The following MAP3K7 variants were observed in gnomAD, a reference collection of about 807,000 sequenced individuals.
MAP3K7 encodes mitogen-activated protein kinase kinase kinase 7, also known as TGF-beta activated kinase 1.
Under a neutral mutation model 84.8 loss-of-function variants are expected in MAP3K7, and 21 were observed. The observed-to-expected ratio is 0.25, with a 90% CI of 0.18 to 0.36. MAP3K7 has a LOEUF of 0.36. MAP3K7 is among the 10% of genes least tolerant of loss of function. The pLI is 1.00. For missense variants in MAP3K7, 503 were observed against 747.7 expected (o/e 0.67, Z 3.82); for synonymous variants, 241 against 247.7 (o/e 0.97, Z 0.25).
intron 5 of MAP3K7, among the ~76,000 whole-genome samples, chr6:90,558,596 A>C (rs1161102964): frequency 6.6e-6 from 1 of 152,154 alleles, no homozygotes; most frequent in African/African-American, 2.4e-5. Context: ...TACTAGCAAA[A>C]GGAGAATCTC....
chr6:90,537,917 A>G (rs1260131045), intron 12 of MAP3K7, among the ~76,000 whole-genome samples: 1 of 151,940 alleles, frequency 6.6e-6, no homozygotes, highest in Non-Finnish European at 1.5e-5. Context: ...ACACAGCAAC[A>G]TTTGTTAATC....
rs752944849 is a variant in MAP3K7, at chr6:90,523,666, C to T, written c.1462+12G>A. On this transcript the variant is annotated intron_variant, in intron 14 of 16. Coordinates refer to ENST00000369329, the MANE Select transcript of MAP3K7 (RefSeq NM_145331.3). ...ATTCAACTTCATAAGTATGAAGAAA[C>T]AGACTGGTCACCTGTGGAATCATCA... is the stretch of plus-strand genomic sequence containing the variant. 5 of 1,581,562 alleles carry T rather than the reference C, an allele frequency of 3.2e-6. No individual in the cohort carries two copies. The East Asian group carries it at 8.9e-5, about 28-fold the overall frequency.
At chr6:90,534,945 C>G (rs958085553) in intron 13 of MAP3K7, among the ~76,000 whole-genome samples, 3 of 152,050 alleles carry the variant, frequency 2.0e-5, no homozygotes, top group Non-Finnish European at 4.4e-5. Context: ...CTGATTAAAA[C>G]TTTTAAGTAT....
intron 1 of MAP3K7, among the ~76,000 whole-genome samples, chr6:90,578,393 C>T (rs923731453): frequency 3.9e-5 from 6 of 152,152 alleles, no homozygotes; most frequent in Admixed American, 2.0e-4. Context: ...CTGCCTCAGC[C>T]ACCCCAAAGT....
At chr6:90,550,208 T>C (rs1262852883) in intron 9 of MAP3K7, among the ~76,000 whole-genome samples, 3 of 152,168 alleles carry the variant, frequency 2.0e-5, no homozygotes, top group African/African-American at 4.8e-5. Context: ...AGAATGACAT[T>C]CACTGTAATA....
chr6:90,516,219 G>C lies in MAP3K7; in HGVS notation c.*282C>G. 2.2e-6 allele frequency: 1 copy of C among 452,958 alleles called. No homozygotes were observed. The highest frequency in any genetic ancestry group is 2.6e-5 in the South Asian group (1 of 38,874). 28.1% of individuals were successfully genotyped at this position (452,958 alleles called of 1,614,324 possible). On this transcript the variant is annotated 3_prime_UTR_variant, in exon 17 of 17. Coordinates refer to ENST00000369329, the MANE Select transcript of MAP3K7 (RefSeq NM_145331.3). ...TCTGTTAGGCTAGCCTTCACACAATGAGCATGCATATACAGCCACAGTTCA... is the reference window on the plus strand; with the variant it reads ...TCTGTTAGGCTAGCCTTCACACAATCAGCATGCATATACAGCCACAGTTCA...
rs1776027424 is a variant in MAP3K7 at position 90,547,170 on chromosome 6, C to T, written c.1210+88G>A. The T allele has an allele frequency of 5.5e-6, 8 of 1,450,240 alleles. No individual in the cohort carries two copies. In the East Asian group the frequency reaches 1.2e-4, roughly 22 times the overall value. The allele number at this position is 1,450,240 out of a possible 1,614,324, so 89.8% of individuals were successfully genotyped here. The stretch of plus-strand genomic sequence containing the variant: ...CCTATTTAAAAAAAAATATAAGACA[C>T]ACACAAAAAACCTTTGACAACTGAA... On this transcript the variant is annotated intron_variant, in intron 11 of 16. Coordinates refer to ENST00000369329, the MANE Select transcript of MAP3K7 (RefSeq NM_145331.3).
chr6:90,575,668 G>A (rs188131186), intron 1 of MAP3K7, among the ~76,000 whole-genome samples: 13 of 152,242 alleles, frequency 8.5e-5, no homozygotes, highest in African/African-American at 2.9e-4. Flanking sequence ...AGGTCTGTGG[G>A]ATGGTAGCTA....
At chr6:90,552,656 G>A (rs1304351493) in intron 7 of MAP3K7, among the ~76,000 whole-genome samples, 3 of 152,124 alleles carry the variant, frequency 2.0e-5, no homozygotes, top group Non-Finnish European at 2.9e-5. Context: ...TAAGAGTGGC[G>A]CTAAAATTAA....
At position 90,534,797 on chromosome 6, in the gene MAP3K7, T is replaced by C. The variant is rs148594387; in HGVS notation, c.1356+1540A>G. ...TGTCTTAGGACAAGCTTCTCATTCC[T>C]AGTCAAACAGTTGGCTAGAAGTTCT... On this transcript the variant is annotated intron_variant, in intron 13 of 16. Coordinates refer to ENST00000369329, the MANE Select transcript of MAP3K7 (RefSeq NM_145331.3). Among the ~76,000 whole-genome samples the C allele has an allele frequency of 7.4e-3, 1,127 of 152,282 alleles. 12 individuals carry two copies. The highest frequency in any genetic ancestry group is 0.024 in the Middle Eastern group (7 of 294).
At chr6:90,536,154 A>C (rs1775667721) in intron 13 of MAP3K7, among the ~76,000 whole-genome samples, 183 bp downstream of exon 13, 1 of 152,094 alleles carries the variant, frequency 6.6e-6, no homozygotes, top group Admixed American at 6.6e-5. Flanking sequence ...ATTATCTTTC[A>C]AGTTAAATTA....
chr6:90,520,091 C>T (rs1775098501), intron 14 of MAP3K7, among the ~76,000 whole-genome samples: 1 of 152,018 alleles, frequency 6.6e-6, no homozygotes, highest in African/African-American at 2.4e-5. Context: ...CTCTTCTCAA[C>T]ATTTATGGTT....
At chr6:90,555,981 A>C (rs911727652) in intron 6 of MAP3K7, among the ~76,000 whole-genome samples, 13 of 152,250 alleles carry the variant, frequency 8.5e-5, no homozygotes, top group African/African-American at 3.1e-4. Flanking sequence ...GGCCATTTTA[A>C]GTAGCAAAAT....
intron 3 of MAP3K7, among the ~76,000 whole-genome samples, chr6:90,568,231 A>T (rs929079894): frequency 1.3e-5 from 2 of 152,140 alleles, no homozygotes; most frequent in Non-Finnish European, 2.9e-5. Flanking sequence ...GATATCAAAA[A>T]CAAGTAAGTA....
At position 90,527,860 on chromosome 6, in the gene MAP3K7, T is replaced by G. The variant is rs958328446; in HGVS notation, c.1357-4077A>C. On this transcript the variant is annotated intron_variant, in intron 13 of 16. Coordinates refer to ENST00000369329, the MANE Select transcript of MAP3K7 (RefSeq NM_145331.3). ...GACACAGAAACTAAAATGGGTTTCATAAGGACTTTTTTTTTTTTTTTTTTT... is the reference window on the plus strand; with the variant it reads ...GACACAGAAACTAAAATGGGTTTCAGAAGGACTTTTTTTTTTTTTTTTTTT... Among the ~76,000 whole-genome samples the G allele has an allele frequency of 8.5e-4, 57 of 66,960 alleles. 10 individuals are homozygous for G. Among genetic ancestry groups the G allele is most frequent in the Non-Finnish European group, 7.8e-4 (25 of 32,154 alleles). 43.9% of individuals were successfully genotyped at this position (66,960 alleles called of 152,430 possible). A position where few individuals can be genotyped will look rare whatever the true frequency, so the allele number is the denominator to read the frequency against.
Position 90,516,593 on chromosome 6 carries a change from C to T in MAP3K7, c.1729G>A (p.Glu577Lys). 1 of 1,612,500 alleles carries T rather than the reference C, an allele frequency of 6.2e-7. No individual in the cohort carries two copies. The highest frequency in any genetic ancestry group is 8.5e-7 in the Non-Finnish European group (1 of 1,179,014). The part of the protein sequence containing the change: ...LVQEHKKLLD[E>K]NKSLSTYYQQ... ...TAGTAAGTAGAAAGGCTTTTGTTTT[C>T]ATCTAAAAGCTTTTTATGTTCCTGT... The change falls in exon 17 of 17, where the codon GAA becomes AAA. Residue 577 changes from glutamate (E) to lysine (K), a missense_variant. Transcript: ENST00000369329.
At chr6:90,538,821 A>G (rs377414547) in intron 12 of MAP3K7, among the ~76,000 whole-genome samples, 18 of 151,852 alleles carry the variant, frequency 1.2e-4, no homozygotes, top group Admixed American at 1.3e-4. Flanking sequence ...TAGGTCCCAG[A>G]CAGCCACTCC....
chr6:90,534,460 T>A (rs771599334), intron 13 of MAP3K7, among the ~76,000 whole-genome samples: 4 of 152,140 alleles, frequency 2.6e-5, no homozygotes, highest in Non-Finnish European at 5.9e-5. Context: ...ACATCACCTG[T>A]TTCAGAACAG....
At chr6:90,534,977 A>T (rs1161094035) in intron 13 of MAP3K7, among the ~76,000 whole-genome samples, 3 of 152,164 alleles carry the variant, frequency 2.0e-5, no homozygotes, top group Non-Finnish European at 2.9e-5. Context: ...AAAACGGGAA[A>T]CTTCAGCCAA....
Sources: allele counts gnomAD v4.1 joint callset (sites outside exome capture counted in the v4.1 genomes callset), GRCh38; gene constraint gnomAD v4.1.1; transcripts MANE v1.5; gene names NCBI Gene and HGNC (gene_info 2026-07-23, HGNC 2026-07-21).